The following THBS4 variants were observed in gnomAD, a reference collection of about 807,000 sequenced individuals.
THBS4 encodes thrombospondin 4.
THBS4 carries 90 observed loss-of-function variants against 115.7 expected under a neutral mutation model. The observed-to-expected ratio is 0.78, with a 90% CI of 0.66 to 0.93. THBS4 has a LOEUF of 0.93. Ranked by LOEUF, THBS4 falls within the 40% of genes least tolerant of loss-of-function variation. The probability of loss-of-function intolerance (pLI) is 0.00; values close to 1 mark genes in which losing one functional copy is unlikely to be tolerated. For synonymous variants in THBS4, 460 were observed against 479.3 expected, an observed-to-expected ratio of 0.96 and a Z score of 0.53; for missense variants, 1,087 against 1,232.7, an observed-to-expected ratio of 0.88 and a Z score of 1.77.
chr5:80,070,643 G>C lies in THBS4; in HGVS notation c.1453G>C (p.Asp485His), dbSNP rs796474840. Residue 485 changes from aspartate (D) to histidine (H), a missense_variant and splice_region_variant, in exon 12 of 22, where the codon GAC (aspartate) becomes CAC (histidine). Physicochemically the swap from Asp to His is moderately conservative, Grantham distance 81. Coordinates refer to ENST00000350881, the MANE Select transcript of THBS4 (RefSeq NM_003248.6). ...CTCGGAACTGCATTTTCCCCCTAAGGACAACTGCAAATATGTGCCAAATTC... is the reference window on the plus strand; with the variant it reads ...CTCGGAACTGCATTTTCCCCCTAAGCACAACTGCAAATATGTGCCAAATTC... The part of the protein sequence containing the change: ...LPCSARNCKK[D>H]NCKYVPNSGQ... 6.2e-7 allele frequency: 1 copy of C among 1,614,062 alleles called. No homozygotes were observed. Among genetic ancestry groups the C allele is most frequent in the South Asian group, 1.1e-5 (1 of 91,082 alleles).
rs1314086190 is a variant in THBS4 at position 80,039,914 on chromosome 5, CA to C, written c.89-162del. Among the ~76,000 whole-genome samples, 21 of 152,268 alleles carry C rather than the reference CA, an allele frequency of 1.4e-4. No individual in the cohort carries two copies. The East Asian group carries it at 3.9e-3, about 28-fold the overall frequency. ...AAATGTCCAGCCACTATAAAAGTGA[CA>C]GGGAAGAACTGGTGAGTTTGGCAAT... On this transcript the variant is annotated intron_variant, in intron 1 of 21. Transcript: ENST00000350881.
chr5:80,013,393 C>A (rs1046585911), intron 2 of THBS4, among the ~76,000 whole-genome samples: 1 of 152,184 alleles, frequency 6.6e-6, no homozygotes, highest in African/African-American at 2.4e-5. Flanking sequence ...CCTACCTCAG[C>A]CTCCCAAAGT....
rs1210706733 is a variant in THBS4, at chr5:80,036,020, G to A, written c.88+395G>A. 6 of 1,002,748 alleles carry A rather than the reference G, an allele frequency of 6.0e-6. No homozygotes were observed. The African/African-American group carries it at 8.6e-5, about 14-fold the overall frequency. 62.1% of individuals were successfully genotyped at this position (1,002,748 alleles called of 1,614,324 possible). A position where few individuals can be genotyped will look rare whatever the true frequency, so the allele number is the denominator to read the frequency against. On this transcript the variant is annotated intron_variant, in intron 1 of 21. Coordinates refer to ENST00000350881, the MANE Select transcript of THBS4 (RefSeq NM_003248.6). ...GCCTTGCTCCCTAAATCCTTCCTCA[G>A]GCGGAGCGATGTATGCCCAGAGTCT... is the stretch of plus-strand genomic sequence containing the variant.
At chr5:80,022,235 A>T (rs2151158914) in intron 2 of THBS4, among the ~76,000 whole-genome samples, 1 of 152,286 alleles carries the variant, frequency 6.6e-6, no homozygotes, top group Non-Finnish European at 1.5e-5. Context: ...TTTGGTCTCT[A>T]TACGTTTCTT....
chr5:80,043,072 G>A (rs1832956766), intron 2 of THBS4, among the ~76,000 whole-genome samples: 1 of 152,166 alleles, frequency 6.6e-6, no homozygotes, highest in Non-Finnish European at 1.5e-5. Flanking sequence ...AAGATAAATT[G>A]TTCTTAGAAA....
intron 1 of THBS4, chr5:80,036,025 A>G: frequency 1.0e-6 from 1 of 1,000,800 alleles, no homozygotes; most frequent in South Asian, 4.7e-5. Context: ...CCTCAGGCGG[A>G]GCGATGTATG....
Position 80,070,297 on chromosome 5 carries a change from C to T in THBS4, c.1348-9C>T. The T allele has an allele frequency of 6.4e-7, 1 of 1,566,832 alleles. No individual in the cohort carries two copies. The highest frequency in any genetic ancestry group is 8.6e-7 in the Non-Finnish European group (1 of 1,160,770). ...CTTCCCAGGCCTCTGATGGGCTTTC[C>T]CTTTACAGTGTGGAGTCGGTTGGGC... On this transcript the variant is annotated splice_polypyrimidine_tract_variant and intron_variant, in intron 10 of 21. Coordinates refer to ENST00000350881, the MANE Select transcript of THBS4 (RefSeq NM_003248.6).
chr5:80,042,206 G>T (rs544788964), intron 2 of THBS4, among the ~76,000 whole-genome samples: 5 of 152,256 alleles, frequency 3.3e-5, no homozygotes, highest in African/African-American at 1.2e-4. Flanking sequence ...TAATGAGGGG[G>T]GATTCTGCCC....
At position 80,058,324 on chromosome 5, in the gene THBS4, C is replaced by T. The variant is rs368936; in HGVS notation, c.649+10C>T. 0.51 allele frequency: 797,132 copies of T among 1,549,086 alleles called. 206,723 individuals are homozygous for T. The highest frequency in any genetic ancestry group is 0.64 in the African/African-American group (47,231 of 73,252). On this transcript the variant is annotated intron_variant, in intron 4 of 21. Transcript: ENST00000350881. ...GCTGCCACAGGCACAGGTGTGGGCTCTTGGGCAGTTTGCATGCCTTCATCA... is the reference window on the plus strand; with the variant it reads ...GCTGCCACAGGCACAGGTGTGGGCTTTTGGGCAGTTTGCATGCCTTCATCA...
chr5:80,061,633 G>A, intron 7 of THBS4, 62 bp from the exon 8 acceptor site: 4 of 1,514,910 alleles, frequency 2.6e-6, no homozygotes, highest in East Asian at 2.3e-5. Flanking sequence ...GCAAATAGAT[G>A]AAGAAAAGTT....
At chr5:80,057,034 G>C (rs1198568711) in intron 3 of THBS4, among the ~76,000 whole-genome samples, 1 of 152,110 alleles carries the variant, frequency 6.6e-6, no homozygotes, top group East Asian at 1.9e-4. Context: ...TTCCAAGAAA[G>C]CTAAAATCCG....
intron 16 of THBS4, among the ~76,000 whole-genome samples, 157 bp downstream of exon 16, chr5:80,077,205 G>A (rs1015802657): frequency 1.3e-5 from 2 of 152,204 alleles, no homozygotes; most frequent in Non-Finnish European, 2.9e-5. Context: ...CAGCTTGTGT[G>A]GACAGCAGAT....
chr5:80,045,847 A>G (rs146430262), intron 2 of THBS4, among the ~76,000 whole-genome samples: 43 of 152,242 alleles, frequency 2.8e-4, no homozygotes, highest in Non-Finnish European at 4.9e-4. Flanking sequence ...AGTCTTTTTA[A>G]TGTACCAGGA....
intron 2 of THBS4, among the ~76,000 whole-genome samples, chr5:80,029,054 A>G (rs1483073055): frequency 6.6e-6 from 1 of 152,206 alleles, no homozygotes; most frequent in Non-Finnish European, 1.5e-5. Context: ...GAAATGAAGT[A>G]ATACTATTCA....
At chr5:80,027,132 CTTA>C (rs1305752750) in intron 2 of THBS4, among the ~76,000 whole-genome samples, 1 of 152,158 alleles carries the variant, frequency 6.6e-6, no homozygotes, top group Non-Finnish European at 1.5e-5. Flanking sequence ...GAGTCCACCT[CTTA>C]TAATAGTCTG....
At chr5:79,993,982 T>C (rs2151146682) in intron 1 of THBS4, among the ~76,000 whole-genome samples, 1 of 152,360 alleles carries the variant, frequency 6.6e-6, no homozygotes, top group Admixed American at 6.5e-5. Context: ...AGTTCTTGAC[T>C]TGGCCTCTGA....
chr5:80,033,407 G>A (rs1832623835), upstream of THBS4: 1 of 159,200 alleles, frequency 6.3e-6, no homozygotes, highest in Non-Finnish European at 1.4e-5. Flanking sequence ...AAACAGAAGA[G>A]TGAGGCAATC....
intron 14 of THBS4, chr5:80,072,780 A>G (rs971226577): frequency 4.0e-6 from 1 of 251,124 alleles, no homozygotes; most frequent in African/African-American, 2.2e-5. Context: ...TCAGCCAGGG[A>G]TGTGTTGCAT....
At position 80,079,149 on chromosome 5, in the gene THBS4, G is replaced by T; in HGVS notation, c.2402G>T (p.Gly801Val). The stretch of plus-strand genomic sequence containing the variant: ...GATGACTATGCAGGCTTTATCTTTG[G>T]CTACCAAGATAGCTCCAGCTTCTAC... ...TDDDYAGFIF[G>V]YQDSSSFYVV... Residue 801 changes from glycine to valine, a missense_variant, in exon 19 of 22, where the codon GGC becomes GTC. Gly to Val is a moderately radical substitution (Grantham distance 109). Coordinates refer to ENST00000350881, the MANE Select transcript of THBS4 (RefSeq NM_003248.6). 6.2e-7 allele frequency: 1 copy of T among 1,614,140 alleles called. No individual in the cohort carries two copies. Among genetic ancestry groups the T allele is most frequent in the Non-Finnish European group, 8.5e-7 (1 of 1,180,024 alleles).
Sources: gnomAD v4.1 joint callset for allele counts (sites outside exome capture counted in the v4.1 genomes callset) on GRCh38, gnomAD v4.1.1 for gene constraint, MANE v1.5 for transcripts, NCBI Gene and HGNC (gene_info 2026-07-23, HGNC 2026-07-21) for gene names.